The following VWC2L variants were observed in gnomAD, a reference collection of about 807,000 sequenced individuals.
VWC2L encodes von Willebrand factor C domain-containing protein 2-like.
Under a neutral mutation model 21.6 loss-of-function variants are expected in VWC2L, and 10 were observed. That is an observed-to-expected ratio of 0.46 (90% confidence interval 0.29 to 0.78). The LOEUF is 0.78. Ranked by LOEUF, VWC2L falls within the 30% of genes least tolerant of loss-of-function variation. The pLI is 0.10. For missense variants in VWC2L, 209 were observed against 277.1 expected (o/e 0.75, Z 1.74); for synonymous variants, 96 against 94.3 (o/e 1.02, Z -0.10).
intron 3 of VWC2L, among the ~76,000 whole-genome samples, chr2:214,515,380 T>A (rs1313765419): frequency 6.6e-6 from 1 of 152,040 alleles, no homozygotes; most frequent in African/African-American, 2.4e-5. Flanking sequence ...GGAGCTCTCC[T>A]CCACCCCTGT....
intron 3 of VWC2L, among the ~76,000 whole-genome samples, chr2:214,491,790 A>G (rs1437760280): frequency 6.6e-6 from 1 of 152,056 alleles, no homozygotes. Context: ...TAACCTCCTG[A>G]GTTTTATTTC....
intron 3 of VWC2L, among the ~76,000 whole-genome samples, chr2:214,532,931 G>GGACCCTGTGCTAGAGAGAGAA (rs71037376): frequency 6.6e-6 from 1 of 151,714 alleles, no homozygotes; most frequent in Non-Finnish European, 1.5e-5. Flanking sequence ...TAGAGAGAGG[G>GGACCCTGTGCTAGAGAGAGAA]GACCCTGACA....
At chr2:214,491,532 G>T (rs1401513384) in intron 3 of VWC2L, among the ~76,000 whole-genome samples, 1 of 152,162 alleles carries the variant, frequency 6.6e-6, no homozygotes, top group Non-Finnish European at 1.5e-5. Context: ...TGTGCTTTTG[G>T]ATAACCATTT....
chr2:214,464,611 C>A (rs1243010263), intron 3 of VWC2L, among the ~76,000 whole-genome samples: 1 of 152,162 alleles, frequency 6.6e-6, no homozygotes, highest in Admixed American at 6.5e-5. Context: ...ACCTAGGTCT[C>A]ACCCAAGGCC....
At chr2:214,529,389 T>C (rs1689396688) in intron 3 of VWC2L, among the ~76,000 whole-genome samples, 1 of 152,186 alleles carries the variant, frequency 6.6e-6, no homozygotes, top group South Asian at 2.1e-4. Context: ...AGTATGTCCC[T>C]GCTACCATTT....
At chr2:214,537,196 G>C (rs1689548450) in intron 3 of VWC2L, among the ~76,000 whole-genome samples, 1 of 152,038 alleles carries the variant, frequency 6.6e-6, no homozygotes, top group African/African-American at 2.4e-5. Flanking sequence ...GTTCTTGGAA[G>C]ACAGAGCATA....
Position 214,451,311 on chromosome 2 carries a change from G to T in VWC2L, c.520+14553G>T, listed in dbSNP as rs540444613. On this transcript the variant is annotated intron_variant, in intron 3 of 3. Transcript: ENST00000312504. ...AGGAAGGATAAGTGGGTCGGTGTGG[G>T]GGGGGGGGGCAGTAAAAGCTGAAAT... Among the ~76,000 whole-genome samples the T allele has an allele frequency of 1.8e-4, 27 of 150,118 alleles. 2 individuals carry two copies. The South Asian group carries it at 5.2e-3, about 29-fold the overall frequency.
intron 3 of VWC2L, among the ~76,000 whole-genome samples, chr2:214,541,241 T>G (rs1218209142): frequency 3.3e-5 from 5 of 152,154 alleles, no homozygotes; most frequent in African/African-American, 1.2e-4. Flanking sequence ...TTCATCCCTT[T>G]TAATTGTCTC....
At chr2:214,461,115 C>T (rs1703133997) in intron 3 of VWC2L, among the ~76,000 whole-genome samples, 1 of 152,142 alleles carries the variant, frequency 6.6e-6, no homozygotes, top group Non-Finnish European at 1.5e-5. Flanking sequence ...ATGGGGATGC[C>T]AGATGGGCCA....
intron 3 of VWC2L, among the ~76,000 whole-genome samples, chr2:214,517,153 C>A (rs575058870): frequency 6.6e-6 from 1 of 152,364 alleles, no homozygotes; most frequent in East Asian, 1.9e-4. Flanking sequence ...TTGCTCTCAT[C>A]TTCTGTGTCT....
chr2:214,506,771 T>C (rs550293670), intron 3 of VWC2L, among the ~76,000 whole-genome samples: 4 of 152,206 alleles, frequency 2.6e-5, no homozygotes, highest in East Asian at 1.9e-4. Context: ...ATTTAGTTAA[T>C]TATGGAGCCA....
intron 2 of VWC2L, among the ~76,000 whole-genome samples, chr2:214,431,410 T>G (rs940535463): frequency 6.6e-6 from 1 of 152,206 alleles, no homozygotes; most frequent in Non-Finnish European, 1.5e-5. Context: ...AACAAAGATT[T>G]TCTTTGATCA....
In VWC2L at chr2:214,506,312, A is replaced by G. The variant is rs79486703; in HGVS notation, c.521-69360A>G. Among the ~76,000 whole-genome samples, 1,222 of 152,300 alleles carry G rather than the reference A, an allele frequency of 8.0e-3. 19 individuals are homozygous for G. Among genetic ancestry groups the G allele is most frequent in the African/African-American group, 0.028 (1,158 of 41,586 alleles). On this transcript the variant is annotated intron_variant, in intron 3 of 3. Transcript: ENST00000312504. ...TCTATAAAATAATACAAAAATACCA[A>G]TGAAGGTGAGAGACAGCAACAATCA... is the stretch of plus-strand genomic sequence containing the variant.
At chr2:214,529,368 G>A (rs1057069791) in intron 3 of VWC2L, among the ~76,000 whole-genome samples, 1 of 152,288 alleles carries the variant, frequency 6.6e-6, no homozygotes, top group East Asian at 1.9e-4. Context: ...CCTAGCCAGC[G>A]TGACAGGTTC....
intron 3 of VWC2L, among the ~76,000 whole-genome samples, chr2:214,495,078 T>G (rs1461738295): frequency 6.6e-6 from 1 of 152,226 alleles, no homozygotes; most frequent in Non-Finnish European, 1.5e-5. Context: ...TTCATGTTAA[T>G]GATTGGTTCA....
At chr2:214,517,410 T>G (rs893006866) in intron 3 of VWC2L, among the ~76,000 whole-genome samples, 3 of 152,148 alleles carry the variant, frequency 2.0e-5, no homozygotes, top group Admixed American at 6.5e-5. Flanking sequence ...GGTTTCCAAT[T>G]TTTGGCTGCA....
intron 3 of VWC2L, among the ~76,000 whole-genome samples, chr2:214,546,368 T>C (rs1275302644): frequency 6.6e-6 from 1 of 152,176 alleles, no homozygotes; most frequent in Admixed American, 6.6e-5. Flanking sequence ...TTGCTGTCTC[T>C]TTTAGCTTCT....
intron 3 of VWC2L, among the ~76,000 whole-genome samples, chr2:214,575,200 G>A (rs1690210547): frequency 6.6e-6 from 1 of 152,108 alleles, no homozygotes; most frequent in Non-Finnish European, 1.5e-5. Context: ...CTGGGCTGGG[G>A]AGGCACTGAA....
chr2:214,455,590 AT>A (rs1703045265), intron 3 of VWC2L, among the ~76,000 whole-genome samples: 2 of 152,306 alleles, frequency 1.3e-5, no homozygotes, highest in African/African-American at 4.8e-5. Context: ...TATACAATAT[AT>A]TGTTTTAACT....
Sources: gnomAD v4.1 joint callset for allele counts (sites outside exome capture counted in the v4.1 genomes callset) on GRCh38, gnomAD v4.1.1 for gene constraint, MANE v1.5 for transcripts, NCBI Gene and HGNC (gene_info 2026-07-23, HGNC 2026-07-21) for gene names.